Variants in ST3GAL2 observed in about 807,000 individuals in gnomAD.
ST3GAL2 encodes the protein CMP-N-acetylneuraminate-beta-galactosamide-alpha-2,3-sialyltransferase 2.
In ST3GAL2, 16 loss-of-function variants were observed where a neutral mutation model predicts 37.5. The ratio of observed to expected loss-of-function variants is 0.43; its 90% CI spans 0.29 to 0.65. ST3GAL2 has a LOEUF of 0.65. Among genes scored for constraint, ST3GAL2 ranks in the 30% least tolerant of loss-of-function variants. The pLI, the probability that ST3GAL2 is intolerant of heterozygous loss-of-function variation, is 0.17. For missense variants in ST3GAL2, 383 were observed against 487.8 expected (o/e 0.79, Z 2.02); for synonymous variants, 238 against 202.9 (o/e 1.17, Z -1.47).
chr16:70,419,201 A>C (rs2047696899), intron 1 of ST3GAL2, among the ~76,000 whole-genome samples: 1 of 152,234 alleles, frequency 6.6e-6, no homozygotes, highest in South Asian at 2.1e-4. Flanking sequence ...CAAGGGGCTA[A>C]GCTAGGGTGC....
intron 1 of ST3GAL2, among the ~76,000 whole-genome samples, chr16:70,429,334 C>T (rs1298973328): frequency 2.0e-5 from 3 of 152,084 alleles, no homozygotes; most frequent in Admixed American, 6.5e-5. Flanking sequence ...TGGCTCAAGC[C>T]TGTAATCCCA....
At chr16:70,413,481 C>T (rs965137992) in intron 1 of ST3GAL2, among the ~76,000 whole-genome samples, 3 of 144,316 alleles carry the variant, frequency 2.1e-5, no homozygotes, top group Admixed American at 7.3e-5. Context: ...TTTGGGAGGC[C>T]GAAGCAGCCA....
chr16:70,382,490 G>T (rs1031019394), intron 6 of ST3GAL2, among the ~76,000 whole-genome samples: 1 of 151,944 alleles, frequency 6.6e-6, no homozygotes, highest in Non-Finnish European at 1.5e-5. Flanking sequence ...CACCATGTTG[G>T]CCAGGCTGGT....
chr16:70,406,599 T>C (rs907170994), intron 1 of ST3GAL2, among the ~76,000 whole-genome samples: 3 of 151,636 alleles, frequency 2.0e-5, no homozygotes, highest in Admixed American at 2.0e-4. Context: ...TTGGCCAACA[T>C]GGCAAAACCC....
chr16:70,431,963 TAA>T (rs1397244157), intron 1 of ST3GAL2, among the ~76,000 whole-genome samples: 2 of 138,592 alleles, frequency 1.4e-5, no homozygotes. Context: ...GACTCCGTCT[TAA>T]AAAAAATATA....
At chr16:70,406,496 G>A (rs922072369) in intron 1 of ST3GAL2, among the ~76,000 whole-genome samples, 1 of 151,780 alleles carries the variant, frequency 6.6e-6, no homozygotes, top group Non-Finnish European at 1.5e-5. Flanking sequence ...GGGCTGGAGT[G>A]GGGGGCCAGG....
chr16:70,428,794 C>G (rs1051830245), intron 1 of ST3GAL2, among the ~76,000 whole-genome samples: 4 of 152,214 alleles, frequency 2.6e-5, no homozygotes, highest in African/African-American at 9.6e-5. Context: ...CAACTCCTCA[C>G]AGATCTGCCA....
chr16:70,433,932 C>G (rs2047807460), intron 1 of ST3GAL2, among the ~76,000 whole-genome samples: 1 of 152,232 alleles, frequency 6.6e-6, no homozygotes, highest in Non-Finnish European at 1.5e-5. Flanking sequence ...TGCACACCCC[C>G]TCCAGCCCAC....
At position 70,427,826 on chromosome 16, in the gene ST3GAL2, C is replaced by T. The variant is rs2047762175; in HGVS notation, c.-1004+11123G>A. Among the ~76,000 whole-genome samples, 6 of 152,204 alleles carry T rather than the reference C, an allele frequency of 3.9e-5. No homozygotes were observed. In the South Asian group the frequency reaches 1.2e-3, roughly 31 times the overall value. On this transcript the variant is annotated intron_variant, in intron 1 of 6. Coordinates refer to ENST00000342907, the MANE Select transcript of ST3GAL2 (RefSeq NM_006927.4). ...TTTCTCGCTCTGTCTACAACCATCACTCCATCCAAGGAAATGTCATTCTTC... is the reference window on the plus strand; with the variant it reads ...TTTCTCGCTCTGTCTACAACCATCATTCCATCCAAGGAAATGTCATTCTTC...
rs761286016 is a variant in ST3GAL2, at chr16:70,398,221, G to T, written c.310C>A (p.Leu104Ile). 1 of 1,613,326 alleles carries T rather than the reference G, an allele frequency of 6.2e-7. No homozygotes were observed. The highest frequency in any genetic ancestry group is 1.1e-5 in the South Asian group (1 of 91,082). ...SPVWTRENMDLPPDVQRWWMM... is the reference protein window; with the variant it reads ...SPVWTRENMDIPPDVQRWWMM... ...CACCACCTCTGGACGTCCGGTGGAA[G>T]ATCCATGTTCTCTCGGGTCCAGACG... is the stretch of plus-strand genomic sequence containing the variant. The change falls in exon 2 of 7, where the codon CTT (leucine) becomes ATT (isoleucine). Residue 104 changes from leucine (L) to isoleucine (I), a missense_variant. Physicochemically the swap from Leu to Ile is conservative, Grantham distance 5. Coordinates refer to ENST00000342907, the MANE Select transcript of ST3GAL2 (RefSeq NM_006927.4).
chr16:70,388,043 C>T (rs1301765286), intron 4 of ST3GAL2, among the ~76,000 whole-genome samples: 10 of 150,454 alleles, frequency 6.6e-5, no homozygotes, highest in Non-Finnish European at 1.0e-4. Flanking sequence ...ACCCGGGAGG[C>T]GGATGTTGCA....
At chr16:70,437,822 G>A (rs1180847355) in intron 1 of ST3GAL2, among the ~76,000 whole-genome samples, 2 of 152,178 alleles carry the variant, frequency 1.3e-5, no homozygotes, top group African/African-American at 4.8e-5. Flanking sequence ...GGGCTTCAGA[G>A]CCCACCAGGC....
In ST3GAL2 at chr16:70,399,484, C is replaced by T. The variant is rs2047540791; in HGVS notation, c.-954G>A. On this transcript the variant is annotated 5_prime_UTR_variant, in exon 2 of 7. Transcript: ENST00000342907. ...CCTGCTGTGAGCTCACAGTAATCCC[C>T]TGGCAGGTTCCCCTTCACATGTCGG... is the stretch of plus-strand genomic sequence containing the variant. 1 of 398,548 alleles carries T rather than the reference C, an allele frequency of 2.5e-6. No homozygotes were observed. The highest frequency in any genetic ancestry group is 1.3e-4 in the South Asian group (1 of 7,780). 24.7% of individuals were successfully genotyped at this position (398,548 alleles called of 1,614,324 possible).
intron 1 of ST3GAL2, among the ~76,000 whole-genome samples, chr16:70,435,133 C>T (rs1481694038): frequency 1.3e-5 from 2 of 152,144 alleles, no homozygotes; most frequent in Non-Finnish European, 2.9e-5. Context: ...GCCATGGCTC[C>T]TAAATTTCCT....
chr16:70,411,732 C>G (rs774339198), intron 1 of ST3GAL2, among the ~76,000 whole-genome samples: 17 of 152,150 alleles, frequency 1.1e-4, no homozygotes, highest in Non-Finnish European at 1.8e-4. Context: ...CGGTGGCTCA[C>G]ACCTGTAATC....
At chr16:70,385,698 C>CTTTTTTTTTTTTT (rs1034830291) in intron 4 of ST3GAL2, among the ~76,000 whole-genome samples, 4 of 92,212 alleles carry the variant, frequency 4.3e-5, no homozygotes, top group African/African-American at 9.9e-5. Context: ...TTTTTTGGTT[C>CTTTTTTTTTTTTT]TTTTTTTTTT....
intron 5 of ST3GAL2, 115 bp from the exon 6 acceptor site, chr16:70,383,039 G>A (rs992602463): frequency 6.3e-7 from 1 of 1,583,700 alleles, no homozygotes; most frequent in African/African-American, 1.3e-5. Flanking sequence ...TGTGTCTCCT[G>A]AATCGTGTGG....
At chr16:70,411,804 G>A (rs1160088637) in intron 1 of ST3GAL2, among the ~76,000 whole-genome samples, 1 of 152,084 alleles carries the variant, frequency 6.6e-6, no homozygotes, top group African/African-American at 2.4e-5. Flanking sequence ...AGAGCAGCCT[G>A]ACCAACATGG....
intron 1 of ST3GAL2, among the ~76,000 whole-genome samples, chr16:70,432,761 G>T (rs568963070): frequency 1.3e-5 from 2 of 152,178 alleles, no homozygotes; most frequent in African/African-American, 4.8e-5. Context: ...AGGAAAACTC[G>T]GTCTCAGAAA....
Sources: allele counts gnomAD v4.1 joint callset (sites outside exome capture counted in the v4.1 genomes callset), GRCh38; gene constraint gnomAD v4.1.1; transcripts MANE v1.5; gene names NCBI Gene and HGNC (gene_info 2026-07-23, HGNC 2026-07-21).